The following COL5A2 variants were observed in gnomAD, a reference collection of about 807,000 sequenced individuals.
The protein encoded by COL5A2 is collagen type V alpha 2 chain, also known as collagen alpha-2(V) chain.
COL5A2 carries 23 observed loss-of-function variants against 208.2 expected under a neutral mutation model. That is an observed-to-expected ratio of 0.11 (90% CI 0.08 to 0.16). The LOEUF (loss-of-function observed/expected upper bound fraction) is 0.16. COL5A2 is among the 10% of genes least tolerant of loss of function. The pLI, the probability that COL5A2 is intolerant of heterozygous loss-of-function variation, is 1.00. For missense variants in COL5A2, 1,590 were observed against 1,956.4 expected (o/e 0.81, Z 3.53); for synonymous variants, 625 against 628.5 (o/e 0.99, Z 0.08).
chr2:189,110,385 C>A lies in COL5A2; in HGVS notation c.162G>T (p.Trp54Cys), dbSNP rs863223500. 1 of 1,614,126 alleles carries A rather than the reference C, an allele frequency of 6.2e-7. No individual in the cohort carries two copies. Among genetic ancestry groups the A allele is most frequent in the Non-Finnish European group, 8.5e-7 (1 of 1,180,010 alleles). ...NGQMYLNRDI[W>C]KPAPCQICVC... ...CACAGATCTGACAAGGGGCAGGTTT[C>A]CAAATGTCCCTGTTTAAGTACATCT... Residue 54 changes from tryptophan to cysteine, a missense_variant, in exon 2 of 54, where the codon TGG becomes TGT. Coordinates refer to ENST00000374866, the MANE Select transcript of COL5A2 (RefSeq NM_000393.5).
chr2:189,044,047 A>T (rs1685613708), intron 47 of COL5A2, among the ~76,000 whole-genome samples: 1 of 152,204 alleles, frequency 6.6e-6, no homozygotes, highest in South Asian at 2.1e-4. Flanking sequence ...AATTAAAAAC[A>T]GCTCCAGGGA....
In COL5A2 at chr2:189,052,693, G is replaced by T. The variant is rs1293553141; in HGVS notation, c.2715+56C>A. ...AAATTATCTTTTACATGACCAGGAA[G>T]CACTAGGTAACTAGAATTAGCTGTG... On this transcript the variant is annotated intron_variant, in intron 40 of 53. Transcript: ENST00000374866. 4.0e-6 allele frequency: 6 copies of T among 1,483,510 alleles called. No individual in the cohort carries two copies. In the African/African-American group the frequency reaches 5.5e-5, roughly 14 times the overall value. The allele number at this position is 1,483,510 out of a possible 1,614,324, so 91.9% of individuals were successfully genotyped here. A position where few individuals can be genotyped will look rare whatever the true frequency, so the allele number is the denominator to read the frequency against.
chr2:189,084,538 T>C (rs938385004), intron 11 of COL5A2, among the ~76,000 whole-genome samples: 1 of 152,174 alleles, frequency 6.6e-6, no homozygotes, highest in African/African-American at 2.4e-5. Context: ...AGAGAAAATA[T>C]TTATTAATAC....
chr2:189,229,130 C>T (rs546780652), upstream of COL5A2, among the ~76,000 whole-genome samples: 7 of 151,658 alleles, frequency 4.6e-5, no homozygotes, highest in Non-Finnish European at 7.4e-5. Context: ...AAAGACTCCA[C>T]GAACTAGGAA....
At chr2:189,272,116 A>C in the COL5A2 span, among the ~76,000 whole-genome samples, 1 of 152,180 alleles carries the variant, frequency 6.6e-6, no homozygotes, top group Non-Finnish European at 1.5e-5. Context: ...TTCCTCAAGG[A>C]TCTAGAACCA....
At chr2:189,133,312 G>C (rs1335655429) in intron 1 of COL5A2, among the ~76,000 whole-genome samples, 1 of 151,296 alleles carries the variant, frequency 6.6e-6, no homozygotes, top group African/African-American at 2.4e-5. Flanking sequence ...GTAGAGACGG[G>C]GTTTCACCAT....
intron 52 of COL5A2, among the ~76,000 whole-genome samples, chr2:189,035,716 A>T (rs1685431590): frequency 6.6e-6 from 1 of 152,154 alleles, no homozygotes; most frequent in African/African-American, 2.4e-5. Flanking sequence ...TTTAAAATTT[A>T]AAATTTTGTG....
intron 1 of COL5A2, among the ~76,000 whole-genome samples, chr2:189,222,404 G>T (rs1342158341): frequency 6.6e-6 from 1 of 152,054 alleles, no homozygotes; most frequent in East Asian, 1.9e-4. Flanking sequence ...ATGTAGCAAA[G>T]ATAAGAAATA....
chr2:189,064,407 A>T lies in COL5A2; in HGVS notation c.1716+150T>A, dbSNP rs916193726. 7.5e-6 allele frequency: 5 copies of T among 663,814 alleles called. No homozygotes were observed. The Admixed American group carries it at 1.1e-4, about 14-fold the overall frequency. 41.1% of individuals were successfully genotyped at this position (663,814 alleles called of 1,614,324 possible). On this transcript the variant is annotated intron_variant, in intron 25 of 53. Coordinates refer to ENST00000374866, the MANE Select transcript of COL5A2 (RefSeq NM_000393.5). ...TAAAAATAACAAACCAGTATTTTTT[A>T]AAATAATGAATTGGATCAAAACCAT...
the COL5A2 span, among the ~76,000 whole-genome samples, chr2:189,374,420 G>A: frequency 6.6e-6 from 1 of 150,542 alleles, no homozygotes; most frequent in East Asian, 1.9e-4. Context: ...AATCAACCAC[G>A]GCCTCAAAAT....
Position 189,070,893 on chromosome 2 carries a change from T to G in COL5A2, c.1158+1147A>C, listed in dbSNP as rs112264734. On this transcript the variant is annotated intron_variant, in intron 18 of 53. Coordinates refer to ENST00000374866, the MANE Select transcript of COL5A2 (RefSeq NM_000393.5). ...ACTTGAGTTCACATTGAGTTCTCAG[T>G]GAATGCAGGGAAAGGAATTAAGGCA... Among the ~76,000 whole-genome samples, 10 of 152,204 alleles carry G rather than the reference T, an allele frequency of 6.6e-5. 1 individual carries two copies. Among genetic ancestry groups the G allele is most frequent in the African/African-American group, 2.4e-4 (10 of 41,524 alleles).
chr2:189,276,277 T>C, the COL5A2 span, among the ~76,000 whole-genome samples: 2 of 152,160 alleles, frequency 1.3e-5, no homozygotes, highest in African/African-American at 4.8e-5. Context: ...AATTAGGCGG[T>C]GTGTACTCTG....
the COL5A2 span, among the ~76,000 whole-genome samples, chr2:189,351,816 T>C: frequency 7.2e-5 from 11 of 152,290 alleles, no homozygotes; most frequent in East Asian, 5.8e-4. Flanking sequence ...CTTTTTATTA[T>C]AGTTATTATA....
At chr2:189,037,229 T>C (rs1685462257) in intron 51 of COL5A2, among the ~76,000 whole-genome samples, 1 of 152,156 alleles carries the variant, frequency 6.6e-6, no homozygotes, top group Non-Finnish European at 1.5e-5. Context: ...AGTGAATAAA[T>C]AAGTTGAATT....
At chr2:189,270,777 A>G in the COL5A2 span, among the ~76,000 whole-genome samples, 2 of 152,290 alleles carry the variant, frequency 1.3e-5, no homozygotes, top group African/African-American at 2.4e-5. Context: ...TCAGTCCAAA[A>G]TCTCCTTAAG....
the COL5A2 span, among the ~76,000 whole-genome samples, chr2:189,371,244 ACTT>A: frequency 2.0e-5 from 3 of 152,072 alleles, no homozygotes; most frequent in East Asian, 5.8e-4. Context: ...AGCCAAATAA[ACTT>A]CTTTTCTTTA....
At chr2:189,427,001 G>T in the COL5A2 span, among the ~76,000 whole-genome samples, 1 of 152,242 alleles carries the variant, frequency 6.6e-6, no homozygotes, top group Non-Finnish European at 1.5e-5. Context: ...GCAGCCTGCA[G>T]AAATTTGCAT....
chr2:189,059,012 C>A (rs1457035937), intron 31 of COL5A2, 119 bp from the exon 32 acceptor site: 18 of 701,500 alleles, frequency 2.6e-5, no homozygotes, highest in East Asian at 1.9e-4. Context: ...GCTGCATAAG[C>A]CAACAATTTA....
chr2:189,086,102 T>C (rs1158185890), intron 9 of COL5A2, among the ~76,000 whole-genome samples: 3 of 152,156 alleles, frequency 2.0e-5, no homozygotes, highest in Non-Finnish European at 4.4e-5. Flanking sequence ...TCAACCACAT[T>C]TTCTAGTCAC....
Sources: gnomAD v4.1 joint callset for allele counts (sites outside exome capture counted in the v4.1 genomes callset) on GRCh38, gnomAD v4.1.1 for gene constraint, MANE v1.5 for transcripts, NCBI Gene and HGNC (gene_info 2026-07-23, HGNC 2026-07-21) for gene names.